The following FBXO34 variants were observed in gnomAD, a reference collection of about 807,000 sequenced individuals.
The protein encoded by FBXO34 is F-box only protein 34.
Under a neutral mutation model 24.5 loss-of-function variants are expected in FBXO34, and 12 were observed. The ratio of observed to expected loss-of-function variants is 0.49; its 90% CI spans 0.31 to 0.79. FBXO34 has a LOEUF of 0.79. Ranked by LOEUF, FBXO34 falls within the 30% of genes least tolerant of loss-of-function variation. FBXO34 has a pLI of 0.04. For missense variants in FBXO34, 823 were observed against 857.7 expected, an observed-to-expected ratio of 0.96 and a Z score of 0.51; for synonymous variants, 320 against 311.9, an observed-to-expected ratio of 1.03 and a Z score of -0.27.
At chr14:55,384,404 C>T in the FBXO34 span, among the ~76,000 whole-genome samples, 1 of 152,192 alleles carries the variant, frequency 6.6e-6, no homozygotes, top group Non-Finnish European at 1.5e-5. Flanking sequence ...AGCACTGCTA[C>T]AACACTATTA....
chr14:55,327,788 T>C (rs1883388607), intron 1 of FBXO34, among the ~76,000 whole-genome samples: 1 of 151,940 alleles, frequency 6.6e-6, no homozygotes, highest in African/African-American at 2.4e-5. Context: ...CCTTGGGTAG[T>C]GCCAAACCCT....
At position 55,310,742 on chromosome 14, in the gene FBXO34, G is replaced by C. The variant is rs147862170; in HGVS notation, c.-11+39205G>C. ...CTTAAGGGAGTAAGTGAAAACATGT[G>C]TATCTGCCTTGGCTGGACTATATCT... On this transcript the variant is annotated intron_variant, in intron 1 of 1. Coordinates refer to ENST00000313833, the MANE Select transcript of FBXO34 (RefSeq NM_017943.4). Among the ~76,000 whole-genome samples, 321 of 152,272 alleles carry C rather than the reference G, an allele frequency of 2.1e-3. 3 individuals carry two copies. Among genetic ancestry groups the C allele is most frequent in the Admixed American group, 4.6e-3 (70 of 15,298 alleles).
At chr14:55,292,541 T>C (rs1881977630) in intron 1 of FBXO34, among the ~76,000 whole-genome samples, 1 of 151,788 alleles carries the variant, frequency 6.6e-6, no homozygotes, top group African/African-American at 2.4e-5. Context: ...TGTATTTTTC[T>C]CAGTAGAGAT....
At chr14:55,323,522 A>G (rs1175645374) in intron 1 of FBXO34, among the ~76,000 whole-genome samples, 1 of 151,782 alleles carries the variant, frequency 6.6e-6, no homozygotes, top group Non-Finnish European at 1.5e-5. Flanking sequence ...AGCTGGGATT[A>G]CAGGCACGTG....
chr14:55,308,897 C>T (rs1379560095), intron 1 of FBXO34, among the ~76,000 whole-genome samples: 1 of 152,180 alleles, frequency 6.6e-6, no homozygotes, highest in Non-Finnish European at 1.5e-5. Flanking sequence ...CTAACCACTG[C>T]AGTACTACCA....
downstream of FBXO34, among the ~76,000 whole-genome samples, chr14:55,365,517 A>T (rs1336967004): frequency 6.6e-6 from 1 of 152,208 alleles, no homozygotes; most frequent in Non-Finnish European, 1.5e-5. Context: ...GTTTTCTGGT[A>T]CATTTTATTG....
chr14:55,295,095 T>A (rs979811337), intron 1 of FBXO34, among the ~76,000 whole-genome samples: 7 of 152,188 alleles, frequency 4.6e-5, no homozygotes, highest in Non-Finnish European at 8.8e-5. Flanking sequence ...GAAGTGCAGT[T>A]TCTACTGAAT....
At chr14:55,354,758 A>C (rs1441788299), downstream of FBXO34, among the ~76,000 whole-genome samples, 1 of 152,136 alleles carries the variant, frequency 6.6e-6, no homozygotes, top group African/African-American at 2.4e-5. Flanking sequence ...ATTTCTAGGC[A>C]AGTGTAGCTT....
the FBXO34 span, chr14:55,380,789 T>TAAAAC: frequency 1.4e-6 from 1 of 709,044 alleles, no homozygotes; most frequent in Non-Finnish European, 2.2e-6. Flanking sequence ...ATGATAGCAC[T>TAAAAC]GTTACGTTTT....
At chr14:55,438,373 A>T in the FBXO34 span, among the ~76,000 whole-genome samples, 107,582 of 152,084 alleles carry the variant, frequency 0.71, 38,292 homozygotes, top group African/African-American at 0.77. Context: ...CTATTTCATT[A>T]TGAATACATG....
chr14:55,393,852 GAT>G, the FBXO34 span, among the ~76,000 whole-genome samples: 1 of 151,512 alleles, frequency 6.6e-6, no homozygotes, highest in Admixed American at 6.6e-5. Flanking sequence ...ACCCAGCGCA[GAT>G]TTTATAAGAG....
rs149853453 is a variant in FBXO34, at chr14:55,351,568, C to T, written c.1178C>T (p.Ser393Leu). 3.9e-5 allele frequency: 63 copies of T among 1,614,064 alleles called. No individual in the cohort carries two copies. In the Admixed American group the frequency reaches 5.0e-4, roughly 13 times the overall value. Reference sequence around the variant, plus strand: ...GACAGTGCAGAGTTAGAGCCGGGTTCGCAAACTGCCGTGAAAAACAGCAAC... The same window carrying T: ...GACAGTGCAGAGTTAGAGCCGGGTTTGCAAACTGCCGTGAAAAACAGCAAC... Reference protein sequence around the residue: ...HIDSAELEPGSQTAVKNSNRY... With the variant: ...HIDSAELEPGLQTAVKNSNRY... The change falls in exon 2 of 2, where the codon TCG becomes TTG. Residue 393 changes from serine to leucine, a missense_variant. Ser to Leu is a moderately radical substitution (Grantham distance 145). Around this residue, in one of 2 missense-constraint regions of FBXO34, gnomAD observed 693 missense variants for 659.1 expected, o/e 1.05. Coordinates refer to ENST00000313833, the MANE Select transcript of FBXO34 (RefSeq NM_017943.4).
intron 1 of FBXO34, among the ~76,000 whole-genome samples, chr14:55,333,465 T>A (rs1883667451): frequency 1.3e-5 from 2 of 152,324 alleles, no homozygotes; most frequent in African/African-American, 4.8e-5. Flanking sequence ...TGTGCATACT[T>A]GACAATCTAG....
At chr14:55,381,441 T>C in the FBXO34 span, among the ~76,000 whole-genome samples, 2 of 152,196 alleles carry the variant, frequency 1.3e-5, no homozygotes, top group Non-Finnish European at 1.5e-5. Flanking sequence ...AATAACGTCC[T>C]CTTACATAAA....
intron 1 of FBXO34, among the ~76,000 whole-genome samples, chr14:55,319,692 T>C (rs2140019356): frequency 6.6e-6 from 1 of 152,320 alleles, no homozygotes; most frequent in Admixed American, 6.5e-5. Flanking sequence ...AACTTTCTTT[T>C]TTTAGATGGA....
downstream of FBXO34, chr14:55,368,138 CCT>C (rs370564578): frequency 5.9e-5 from 9 of 152,590 alleles, no homozygotes; most frequent in African/African-American, 1.7e-4. Flanking sequence ...GTACATAATG[CCT>C]CTCTCATTAT....
downstream of FBXO34, among the ~76,000 whole-genome samples, chr14:55,370,223 C>CCTAAGT (rs1884783132): frequency 6.6e-6 from 1 of 152,172 alleles, no homozygotes; most frequent in African/African-American, 2.4e-5. Context: ...CCATGCTGGT[C>CCTAAGT]CTAAGTCTGA....
the FBXO34 span, among the ~76,000 whole-genome samples, chr14:55,393,461 A>G: frequency 6.6e-6 from 1 of 152,182 alleles, no homozygotes; most frequent in Non-Finnish European, 1.5e-5. Context: ...TACAGAAGAA[A>G]AACAGAAAAT....
chr14:55,303,924 CT>C (rs1882450189), intron 1 of FBXO34, among the ~76,000 whole-genome samples: 1 of 152,136 alleles, frequency 6.6e-6, no homozygotes, highest in African/African-American at 2.4e-5. Flanking sequence ...TTATGTGGTT[CT>C]TCTGGGACTG....
Sources: gnomAD v4.1 joint callset for allele counts (sites outside exome capture counted in the v4.1 genomes callset) on GRCh38, gnomAD v4.1.1 for gene constraint, gnomAD v4.1.1 regional missense constraint, MANE v1.5 for transcripts, NCBI Gene and HGNC (gene_info 2026-07-23, HGNC 2026-07-21) for gene names.